NXPE2: variants seen among roughly 807,000 people sequenced by gnomAD.
NXPE2 encodes neurexophilin and PC-esterase domain family member 2.
NXPE2 carries 34 observed loss-of-function variants against 34.4 expected under a neutral mutation model. The ratio of observed to expected loss-of-function variants is 0.99; its 90% CI spans 0.75 to 1.31. NXPE2 has a LOEUF of 1.31. Ranked by LOEUF, NXPE2 falls within the 40% of genes most tolerant of loss-of-function variation. The pLI is 0.00. For missense variants in NXPE2, 649 were observed against 672.5 expected, an observed-to-expected ratio of 0.97 and a Z score of 0.39; for synonymous variants, 235 against 231.3, an observed-to-expected ratio of 1.02 and a Z score of -0.15.
At chr11:114,761,615 G>A in the NXPE2 span, among the ~76,000 whole-genome samples, 2 of 140,020 alleles carry the variant, frequency 1.4e-5, no homozygotes, top group South Asian at 2.3e-4. Context: ...CGCCCAGGCC[G>A]GACTGCGGAC....
At chr11:114,593,646 A>T in the NXPE2 span, among the ~76,000 whole-genome samples, 4 of 152,104 alleles carry the variant, frequency 2.6e-5, no homozygotes, top group Non-Finnish European at 5.9e-5. Flanking sequence ...ATAGGCTACC[A>T]TATGATCCAG....
At chr11:114,668,129 G>C in the NXPE2 span, among the ~76,000 whole-genome samples, 2 of 151,642 alleles carry the variant, frequency 1.3e-5, no homozygotes, top group Non-Finnish European at 2.9e-5. Flanking sequence ...TAGTGTGCCT[G>C]CTCTTAAGCT....
At chr11:114,636,469 C>G in the NXPE2 span, among the ~76,000 whole-genome samples, 16 of 151,810 alleles carry the variant, frequency 1.1e-4, 2 homozygotes, top group Admixed American at 1.1e-3. Flanking sequence ...TCCTTCAGTT[C>G]TGCTCTGATT....
chr11:114,493,446 A>G, the NXPE2 span, among the ~76,000 whole-genome samples: 1 of 152,110 alleles, frequency 6.6e-6, no homozygotes, highest in Non-Finnish European at 1.5e-5. Context: ...CTCAGGTGGT[A>G]TGTTTTAACT....
chr11:114,528,855 T>G, the NXPE2 span: 2 of 662,194 alleles, frequency 3.0e-6, no homozygotes, highest in Admixed American at 2.0e-5. Flanking sequence ...AGGATCAGCA[T>G]GTTTTCATCC....
At chr11:114,481,107 T>G in the NXPE2 span, among the ~76,000 whole-genome samples, 1 of 152,172 alleles carries the variant, frequency 6.6e-6, no homozygotes, top group Non-Finnish European at 1.5e-5. Flanking sequence ...ACTTGGGTGT[T>G]TAACCCTCAG....
At chr11:114,617,681 A>C in the NXPE2 span, among the ~76,000 whole-genome samples, 3 of 152,140 alleles carry the variant, frequency 2.0e-5, no homozygotes, top group African/African-American at 7.2e-5. Flanking sequence ...TACCCGGTGG[A>C]TAAAAAGTAC....
At chr11:114,670,148 C>A in the NXPE2 span, among the ~76,000 whole-genome samples, 2 of 151,982 alleles carry the variant, frequency 1.3e-5, no homozygotes, top group Non-Finnish European at 2.9e-5. Flanking sequence ...GCAGTTTATG[C>A]CCCAGGACCT....
the NXPE2 span, among the ~76,000 whole-genome samples, chr11:114,798,937 C>A: frequency 6.6e-6 from 1 of 152,210 alleles, no homozygotes; most frequent in Non-Finnish European, 1.5e-5. Context: ...AGCTGCCTCA[C>A]GCGCTTTCTC....
the NXPE2 span, among the ~76,000 whole-genome samples, chr11:114,639,087 A>T: frequency 6.6e-6 from 1 of 152,098 alleles, no homozygotes; most frequent in Non-Finnish European, 1.5e-5. Context: ...CTACAGAGGC[A>T]GGCAGCCCTC....
chr11:114,515,653 C>T, the NXPE2 span, among the ~76,000 whole-genome samples: 1 of 152,120 alleles, frequency 6.6e-6, no homozygotes, highest in Non-Finnish European at 1.5e-5. Context: ...TTTTTGTTTA[C>T]TGAATCTGTG....
At chr11:114,516,262 T>C in the NXPE2 span, among the ~76,000 whole-genome samples, 1 of 152,160 alleles carries the variant, frequency 6.6e-6, no homozygotes, top group African/African-American at 2.4e-5. Context: ...CAGATCTGTC[T>C]TATACTAGGT....
the NXPE2 span, among the ~76,000 whole-genome samples, chr11:114,615,575 T>G: frequency 6.6e-6 from 1 of 150,968 alleles, no homozygotes; most frequent in Non-Finnish European, 1.5e-5. Flanking sequence ...GTAACCACCT[T>G]TACCTGGTGA....
the NXPE2 span, among the ~76,000 whole-genome samples, chr11:114,469,114 T>TTTTTTG: frequency 7.4e-6 from 1 of 134,448 alleles, no homozygotes; most frequent in Non-Finnish European, 1.6e-5. Context: ...GCTAGCTTTT[T>TTTTTTG]TTTTTTTTTT....
At chr11:114,678,048 T>C (rs186817066), upstream of NXPE2, among the ~76,000 whole-genome samples, 4 of 152,256 alleles carry the variant, frequency 2.6e-5, no homozygotes, top group African/African-American at 9.6e-5. Flanking sequence ...GCTGTGGGAC[T>C]GCTTGATGTA....
chr11:114,657,072 T>A, the NXPE2 span, among the ~76,000 whole-genome samples: 1 of 152,130 alleles, frequency 6.6e-6, no homozygotes, highest in Non-Finnish European at 1.5e-5. Context: ...CCAGCCTGGG[T>A]GACAGAGTGA....
intron 2 of NXPE2, among the ~76,000 whole-genome samples, chr11:114,683,307 A>G (rs575222198): frequency 6.6e-6 from 1 of 152,176 alleles, no homozygotes; most frequent in South Asian, 2.1e-4. Context: ...TCTTGTTTGA[A>G]TTATTTTTTG....
chr11:114,719,733 C>T, the NXPE2 span, among the ~76,000 whole-genome samples: 3 of 152,246 alleles, frequency 2.0e-5, no homozygotes, highest in South Asian at 2.1e-4. Flanking sequence ...GCATGCGGCT[C>T]CTCTGAAGCA....
the NXPE2 span, among the ~76,000 whole-genome samples, chr11:114,573,818 A>G: frequency 1.3e-5 from 2 of 152,156 alleles, no homozygotes; most frequent in Non-Finnish European, 2.9e-5. Context: ...CAGAAAGTCA[A>G]CAAAGAAATA....
Sources: gnomAD v4.1 joint callset for allele counts (sites outside exome capture counted in the v4.1 genomes callset) on GRCh38, gnomAD v4.1.1 for gene constraint, MANE v1.5 for transcripts, NCBI Gene and HGNC (gene_info 2026-07-23, HGNC 2026-07-21) for gene names.